The following MDFIC2 variants were observed in gnomAD, a reference collection of about 807,000 sequenced individuals.
MDFIC2 encodes MyoD family inhibitor domain containing 2, also known as myoD family inhibitor domain-containing protein 2.
chr3:70,217,838 G>T (rs552071639), intron 2 of MDFIC2, among the ~76,000 whole-genome samples: 1 of 152,132 alleles, frequency 6.6e-6, no homozygotes, highest in Non-Finnish European at 1.5e-5. Context: ...GGGCTTGGGG[G>T]TGACATACTG....
Position 70,304,057 on chromosome 3 carries a change from C to A in MDFIC2, c.88+7829G>T, listed in dbSNP as rs139480974. On this transcript the variant is annotated intron_variant, in intron 2 of 3. Transcript: ENST00000567252. ...ATAAACTATATCTTTAGTAGGCATT[C>A]CCAGGGTTAGGAGTTTATTGCAATC... Among the ~76,000 whole-genome samples, 8 of 152,238 alleles carry A rather than the reference C, an allele frequency of 5.3e-5. No individual in the cohort carries two copies. The East Asian group carries it at 1.5e-3, about 29-fold the overall frequency.
chr3:70,268,321 A>C (rs1345150300), intron 2 of MDFIC2, among the ~76,000 whole-genome samples: 1 of 151,984 alleles, frequency 6.6e-6, no homozygotes, highest in Non-Finnish European at 1.5e-5. Context: ...CTAAAATACA[A>C]AAAATTAGCC....
At chr3:70,276,447 C>G (rs1169959010) in intron 2 of MDFIC2, among the ~76,000 whole-genome samples, 1 of 152,092 alleles carries the variant, frequency 6.6e-6, no homozygotes, top group Non-Finnish European at 1.5e-5. Context: ...GCATATGCCT[C>G]TCATTATTTT....
chr3:70,259,045 A>T (rs1457591291), intron 2 of MDFIC2, among the ~76,000 whole-genome samples: 3 of 152,218 alleles, frequency 2.0e-5, no homozygotes, highest in Non-Finnish European at 2.9e-5. Context: ...AGAAAGATAC[A>T]GTTGATGTGC....
intron 3 of MDFIC2, among the ~76,000 whole-genome samples, chr3:70,201,356 G>C (rs573326443): frequency 1.3e-5 from 2 of 152,140 alleles, no homozygotes; most frequent in Non-Finnish European, 2.9e-5. Context: ...CTCCATCCAA[G>C]TTCCTGCAAA....
chr3:70,223,754 A>G (rs957917949), intron 2 of MDFIC2, among the ~76,000 whole-genome samples: 27 of 152,280 alleles, frequency 1.8e-4, no homozygotes, highest in Non-Finnish European at 2.2e-4. Flanking sequence ...GGTTGCATGC[A>G]ATCAATTTAA....
At chr3:70,251,323 A>G (rs75685958) in intron 2 of MDFIC2, among the ~76,000 whole-genome samples, 1,540 of 152,266 alleles carry the variant, frequency 0.01, 22 homozygotes, top group African/African-American at 0.035. Context: ...TGCAGTCTTC[A>G]GTCTTCATTT....
chr3:70,281,877 T>G (rs1404659656), intron 2 of MDFIC2, among the ~76,000 whole-genome samples: 1 of 152,168 alleles, frequency 6.6e-6, no homozygotes, highest in Non-Finnish European at 1.5e-5. Context: ...TCATCATACC[T>G]TGGGTGAGGC....
rs1257617470 is a variant in MDFIC2, at chr3:70,285,736, T to G, written c.88+26150A>C. Among the ~76,000 whole-genome samples the G allele has an allele frequency of 3.5e-3, 532 of 151,774 alleles. 2 individuals are homozygous for G. The highest frequency in any genetic ancestry group is 0.012 in the African/African-American group (513 of 41,382). On this transcript the variant is annotated intron_variant, in intron 2 of 3. Coordinates refer to ENST00000567252, the MANE Select transcript of MDFIC2 (RefSeq NM_001364677.1). ...CAGCACCTGTTGTTTCCTGACTTTT[T>G]AATGATTGCCATTCTAACTGGTGTG... is the stretch of plus-strand genomic sequence containing the variant.
chr3:70,208,138 A>G (rs1701309829), intron 2 of MDFIC2, among the ~76,000 whole-genome samples: 1 of 152,086 alleles, frequency 6.6e-6, no homozygotes, highest in Non-Finnish European at 1.5e-5. Context: ...CAGGCTGATG[A>G]TGCCCAGGAA....
At chr3:70,297,220 C>T (rs948991937) in intron 2 of MDFIC2, among the ~76,000 whole-genome samples, 1 of 151,972 alleles carries the variant, frequency 6.6e-6, no homozygotes, top group African/African-American at 2.4e-5. Context: ...TTGCCTAGCT[C>T]TTGGTAATTA....
At chr3:70,286,981 T>C (rs2106688092) in intron 2 of MDFIC2, among the ~76,000 whole-genome samples, 1 of 150,074 alleles carries the variant, frequency 6.7e-6, no homozygotes, top group African/African-American at 2.5e-5. Context: ...GTTTTCTAGA[T>C]ATAAAATCAT....
chr3:70,261,319 T>C (rs148737071), intron 2 of MDFIC2, among the ~76,000 whole-genome samples: 34 of 152,294 alleles, frequency 2.2e-4, no homozygotes, highest in Middle Eastern at 3.4e-3. Context: ...TCTCTTGGCT[T>C]GTCCCTTCAT....
chr3:70,221,854 G>A (rs1359143736), intron 2 of MDFIC2, among the ~76,000 whole-genome samples: 1 of 152,118 alleles, frequency 6.6e-6, no homozygotes, highest in Non-Finnish European at 1.5e-5. Flanking sequence ...AGTAATTGAG[G>A]TTTTGTCGTT....
chr3:70,251,439 A>G (rs1023230918), intron 2 of MDFIC2, among the ~76,000 whole-genome samples: 4 of 152,176 alleles, frequency 2.6e-5, no homozygotes, highest in South Asian at 2.1e-4. Flanking sequence ...GTATCTGTCT[A>G]CTGGCATAAT....
chr3:70,247,063 T>G (rs1701714475), intron 2 of MDFIC2, among the ~76,000 whole-genome samples: 1 of 151,972 alleles, frequency 6.6e-6, no homozygotes, highest in African/African-American at 2.4e-5. Context: ...TTTTCTTTAG[T>G]TTATTTTCCT....
intron 2 of MDFIC2, among the ~76,000 whole-genome samples, chr3:70,292,625 A>G (rs1045511165): frequency 1.3e-5 from 2 of 152,152 alleles, no homozygotes; most frequent in African/African-American, 2.4e-5. Flanking sequence ...GTTTTTCTCT[A>G]TGAAAAATAA....
intron 2 of MDFIC2, among the ~76,000 whole-genome samples, chr3:70,236,047 C>T (rs1543235): frequency 0.25 from 37,645 of 152,096 alleles, 5,327 homozygotes; most frequent in East Asian, 0.67. Context: ...CATTCTACTT[C>T]TCTTAATGAA....
chr3:70,226,039 C>A (rs996960969), intron 2 of MDFIC2, among the ~76,000 whole-genome samples: 4 of 152,064 alleles, frequency 2.6e-5, no homozygotes, highest in Admixed American at 6.6e-5. Context: ...TAGGCATTTT[C>A]CAGGATGGAT....
Sources: gnomAD v4.1 joint callset for allele counts (sites outside exome capture counted in the v4.1 genomes callset) on GRCh38, gnomAD v4.1.1 for gene constraint, MANE v1.5 for transcripts, NCBI Gene and HGNC (gene_info 2026-07-23, HGNC 2026-07-21) for gene names.